Variants in BTBD16 observed in about 807,000 individuals in gnomAD.
BTBD16 encodes BTB/POZ domain-containing protein 16.
Under a neutral mutation model 67.4 loss-of-function variants are expected in BTBD16, and 66 were observed. The observed-to-expected ratio is 0.98, with a 90% CI of 0.80 to 1.20. The LOEUF is 1.20. Ranked by LOEUF, BTBD16 falls within the 50% of genes most tolerant of loss-of-function variation. The pLI is 0.00. For synonymous variants in BTBD16, 242 were observed against 236.4 expected (o/e 1.02, Z -0.22); for missense variants, 634 against 616.0 (o/e 1.03, Z -0.31).
intron 9 of BTBD16, among the ~76,000 whole-genome samples, chr10:122,300,072 G>A (rs17103362): frequency 0.14 from 20,867 of 152,068 alleles, 1,505 homozygotes; most frequent in East Asian, 0.25. Context: ...TCCCAATGCC[G>A]GGCTTTTTAG....
intron 10 of BTBD16, chr10:122,328,858 A>T: frequency 1.0e-6 from 1 of 982,410 alleles, no homozygotes; most frequent in Non-Finnish European, 1.2e-6. Context: ...CTCCGTGAGG[A>T]AGTTAACTGG....
chr10:122,316,882 G>T (rs531454195), intron 10 of BTBD16, among the ~76,000 whole-genome samples: 1 of 151,806 alleles, frequency 6.6e-6, no homozygotes, highest in East Asian at 1.9e-4. Flanking sequence ...CCGCCTCTCC[G>T]GTTCAACTGA....
intron 10 of BTBD16, among the ~76,000 whole-genome samples, chr10:122,314,444 C>A (rs537112201): frequency 6.6e-6 from 1 of 152,170 alleles, no homozygotes; most frequent in East Asian, 1.9e-4. Flanking sequence ...GTTGAGGCTG[C>A]AGTAAGCTGT....
At chr10:122,292,715 C>T (rs1421535815) in intron 7 of BTBD16, among the ~76,000 whole-genome samples, 1 of 152,190 alleles carries the variant, frequency 6.6e-6, no homozygotes, top group African/African-American at 2.4e-5. Context: ...CAGTGAGGGA[C>T]CAGATGGGCA....
At position 122,286,188 on chromosome 10, in the gene BTBD16, C is replaced by A. The variant is rs780848905; in HGVS notation, c.325C>A (p.Leu109Met). 3 of 1,613,996 alleles carry A rather than the reference C, an allele frequency of 1.9e-6. No individual in the cohort carries two copies. The South Asian group carries it at 3.3e-5, about 18-fold the overall frequency. ...GTCTGAGACCTTGGCCAAGCTCTAC[C>A]TGAAAGCCCTGGCGCAGGGCACCAC... ...FQSETLAKLYLKALAQGTTHP... is the reference protein window; with the variant it reads ...FQSETLAKLYMKALAQGTTHP... Residue 109 changes from leucine (L) to methionine (M), a missense_variant, in exon 5 of 16, where the codon CTG becomes ATG. Leu to Met is a conservative substitution (Grantham distance 15). Transcript: ENST00000260723.
chr10:122,273,337 G>A (rs527659844), intron 1 of BTBD16, among the ~76,000 whole-genome samples: 2 of 151,584 alleles, frequency 1.3e-5, no homozygotes, highest in South Asian at 4.2e-4. Flanking sequence ...CCATAATAAT[G>A]TGTATGCATA....
chr10:122,324,991 T>A (rs775918038), intron 10 of BTBD16, among the ~76,000 whole-genome samples: 21 of 152,184 alleles, frequency 1.4e-4, no homozygotes, highest in Admixed American at 3.9e-4. Context: ...GTCAGGACCA[T>A]CTTGACAGAC....
At chr10:122,288,621 T>C (rs2096368137) in intron 5 of BTBD16, among the ~76,000 whole-genome samples, 1 of 152,064 alleles carries the variant, frequency 6.6e-6, no homozygotes, top group Non-Finnish European at 1.5e-5. Context: ...GTGAACCACC[T>C]CAGCTGAGCT....
chr10:122,324,573 C>T (rs551977277), intron 10 of BTBD16, among the ~76,000 whole-genome samples: 60 of 152,216 alleles, frequency 3.9e-4, no homozygotes, highest in Non-Finnish European at 7.8e-4. Flanking sequence ...GAGTCATGGA[C>T]ATTAGGGCCA....
intron 1 of BTBD16, among the ~76,000 whole-genome samples, chr10:122,273,452 T>C (rs2096333690): frequency 6.6e-6 from 1 of 152,128 alleles, no homozygotes; most frequent in African/African-American, 2.4e-5. Context: ...GTATGAAATA[T>C]TATGCGGCCA....
chr10:122,297,866 C>T (rs771669018), intron 8 of BTBD16, 29 bp downstream of exon 8: 1 of 1,610,620 alleles, frequency 6.2e-7, no homozygotes, highest in South Asian at 1.1e-5. Context: ...GGGCACATCG[C>T]CCCTTGGGGG....
chr10:122,336,437 C>A, intron 14 of BTBD16, 57 bp from the exon 15 acceptor site: 1 of 1,477,524 alleles, frequency 6.8e-7, no homozygotes, highest in South Asian at 1.3e-5. Context: ...CCAGCTTTCC[C>A]TAACTCTGGG....
intron 3 of BTBD16, among the ~76,000 whole-genome samples, chr10:122,281,522 T>G (rs1363854926): frequency 1.3e-5 from 2 of 152,162 alleles, no homozygotes; most frequent in Non-Finnish European, 2.9e-5. Context: ...CCCTCACCCT[T>G]GCATGTAGCT....
intron 3 of BTBD16, among the ~76,000 whole-genome samples, chr10:122,277,425 C>T (rs1335107896): frequency 4.6e-5 from 7 of 152,110 alleles, no homozygotes; most frequent in Non-Finnish European, 8.8e-5. Flanking sequence ...AGAGCTGGAC[C>T]CTTGCCTTAG....
Position 122,297,990 on chromosome 10 carries a change from GT to G in BTBD16, c.660+164del, listed in dbSNP as rs112980009. Among the ~76,000 whole-genome samples, 693 of 147,222 alleles carry G rather than the reference GT, an allele frequency of 4.7e-3. 6 individuals are homozygous for G. The highest frequency in any genetic ancestry group is 0.014 in the Middle Eastern group (4 of 284). ...TTTTGCCACATGAACACATTTGTGT[GT>G]TTTTTTTTTTAAACCATCATTTTAT... On this transcript the variant is annotated intron_variant, in intron 8 of 15. Transcript: ENST00000260723.
intron 5 of BTBD16, among the ~76,000 whole-genome samples, chr10:122,288,853 C>G (rs11498947): frequency 0.09 from 13,694 of 151,964 alleles, 1,061 homozygotes; most frequent in East Asian, 0.2. Flanking sequence ...CGGTGAGGGG[C>G]TAGGTGGGGG....
intron 5 of BTBD16, 107 bp from the exon 6 acceptor site, chr10:122,289,802 A>T: frequency 1.5e-6 from 1 of 681,834 alleles, no homozygotes. Context: ...ATATAGTGTG[A>T]TACATATCTT....
chr10:122,275,226 C>T (rs1431429707), intron 2 of BTBD16, 127 bp downstream of exon 2: 19 of 945,066 alleles, frequency 2.0e-5, no homozygotes, highest in African/African-American at 4.9e-5. Context: ...TTGGCTGACT[C>T]GGCTGGAAAG....
At chr10:122,290,152 A>G (rs192920006) in intron 6 of BTBD16, among the ~76,000 whole-genome samples, 154 bp downstream of exon 6, 1 of 152,346 alleles carries the variant, frequency 6.6e-6, no homozygotes, top group Admixed American at 6.5e-5. Context: ...CAAAGAAAGA[A>G]GGGGCGAGAA....
Sources: gnomAD v4.1 joint callset for allele counts (sites outside exome capture counted in the v4.1 genomes callset) on GRCh38, gnomAD v4.1.1 for gene constraint, MANE v1.5 for transcripts, NCBI Gene and HGNC (gene_info 2026-07-23, HGNC 2026-07-21) for gene names.